SURF4: variants seen among roughly 807,000 people sequenced by gnomAD.
The protein encoded by SURF4 is surfeit 4.
A neutral mutation model predicts 30.0 loss-of-function variants in SURF4; 3 were observed. The ratio of observed to expected loss-of-function variants is 0.10; its 90% CI spans 0.05 to 0.26. The LOEUF (loss-of-function observed/expected upper bound fraction) is 0.26. Among genes scored for constraint, SURF4 ranks in the 10% least tolerant of loss-of-function variants. The pLI, the probability that SURF4 is intolerant of heterozygous loss-of-function variation, is 1.00. For synonymous variants in SURF4, 143 were observed against 139.9 expected, an observed-to-expected ratio of 1.02 and a Z score of -0.16; for missense variants, 217 against 350.8, an observed-to-expected ratio of 0.62 and a Z score of 3.05.
At position 133,367,231 on chromosome 9, in the gene SURF4, A is replaced by C. The variant is rs2130137470; in HGVS notation, c.235+28T>G. The C allele has an allele frequency of 1.3e-5, 21 of 1,609,190 alleles. No individual in the cohort carries two copies. The East Asian group carries it at 4.5e-4, about 34-fold the overall frequency. On this transcript the variant is annotated intron_variant, in intron 2 of 5. Transcript: ENST00000371989. ...CGATCATGGAACAAGACGCCCAGTG[A>C]ATCCTGACCACCCGCAGAGCCACTC...
At chr9:133,376,238 C>A, upstream of SURF4, 1 of 1,293,972 alleles carries the variant, frequency 7.7e-7, no homozygotes, top group Non-Finnish European at 9.7e-7. Context: ...CTCGACGCCA[C>A]GCCTCTCACG....
chr9:133,375,850 G>T (rs1837882939), intron 1 of SURF4, 72 bp downstream of exon 1: 1 of 1,205,940 alleles, frequency 8.3e-7, no homozygotes, highest in Non-Finnish European at 1.0e-6. Context: ...CCTGCGCTGG[G>T]AGGCCGACTC....
At chr9:133,376,106 T>G (rs1364938610), upstream of SURF4, 4 of 1,201,968 alleles carry the variant, frequency 3.3e-6, no homozygotes, top group African/African-American at 4.8e-5. Flanking sequence ...CTCCAGCGGC[T>G]GCCACGTAGG....
At chr9:133,367,677 C>T (rs2130148168) in intron 1 of SURF4, 10 of 1,224,580 alleles carry the variant, frequency 8.2e-6, no homozygotes, top group Non-Finnish European at 1.1e-5. Context: ...CCCGGAGATG[C>T]ATGACTTGAC....
chr9:133,367,603 C>T, intron 1 of SURF4, 158 bp from the exon 2 acceptor site: 1 of 1,505,588 alleles, frequency 6.6e-7, no homozygotes. Flanking sequence ...CTAGGGGGCT[C>T]TCAGTGCTTG....
chr9:133,366,742 ACTG>A (rs1837200032), intron 2 of SURF4, 67 bp from the exon 3 acceptor site: 1 of 1,455,606 alleles, frequency 6.9e-7, no homozygotes, highest in Admixed American at 1.8e-5. Flanking sequence ...GTCTTGATAC[ACTG>A]CTACCTCACC....
chr9:133,367,150 G>C (rs1417290376), intron 2 of SURF4, 109 bp downstream of exon 2: 3 of 1,366,924 alleles, frequency 2.2e-6, no homozygotes, highest in Non-Finnish European at 3.0e-6. Flanking sequence ...GGGGAATGGA[G>C]GGGGGACAGC....
chr9:133,375,715 G>A (rs2130239911), intron 1 of SURF4, among the ~76,000 whole-genome samples: 1 of 152,260 alleles, frequency 6.6e-6, no homozygotes, highest in Non-Finnish European at 1.5e-5. Flanking sequence ...TCCGGGAGCG[G>A]CCCAGCGGGC....
upstream of SURF4, chr9:133,376,402 C>T (rs1408763640): frequency 1.4e-6 from 2 of 1,459,778 alleles, no homozygotes; most frequent in Admixed American, 2.9e-5. Flanking sequence ...GGGGAGGATC[C>T]CGCGGGTCCC....
chr9:133,367,016 A>C (rs1037915286), intron 2 of SURF4, among the ~76,000 whole-genome samples: 2 of 152,184 alleles, frequency 1.3e-5, no homozygotes, highest in Non-Finnish European at 2.9e-5. Flanking sequence ...TGGGTCCCTG[A>C]CAGGGACCAT....
At chr9:133,365,050 G>A in intron 4 of SURF4, 24 bp from the exon 5 acceptor site, 1 of 1,505,410 alleles carries the variant, frequency 6.6e-7, no homozygotes, top group Middle Eastern at 1.8e-4. Flanking sequence ...ATGTGGGCTG[G>A]AAGCTAAGCC....
At chr9:133,367,958 G>A (rs2130152494) in intron 1 of SURF4, among the ~76,000 whole-genome samples, 2 of 152,246 alleles carry the variant, frequency 1.3e-5, no homozygotes, top group Admixed American at 6.5e-5. Flanking sequence ...CATCCTGGGT[G>A]CTGCAGGCTA....
At chr9:133,377,151 G>A (rs2130252860), upstream of SURF4, among the ~76,000 whole-genome samples, 12 of 152,154 alleles carry the variant, frequency 7.9e-5, no homozygotes, top group Non-Finnish European at 1.8e-4. Flanking sequence ...GGACTATAGG[G>A]CGTTGCCAGA....
Position 133,364,832 on chromosome 9 carries a change from A to G in SURF4, c.543+8T>C, listed in dbSNP as rs986352642. 1.2e-6 allele frequency: 2 copies of G among 1,613,798 alleles called. No homozygotes were observed. Among genetic ancestry groups the G allele is most frequent in the African/African-American group, 2.7e-5 (2 of 74,922 alleles). On this transcript the variant is annotated splice_region_variant and intron_variant, in intron 5 of 5. Coordinates refer to ENST00000371989, the MANE Select transcript of SURF4 (RefSeq NM_033161.4). ...ACCAGACCGGTTCAGGCAAGTAGGAATACTTACAGAAAAGAAGCTGGCGTC... is the reference window on the plus strand; with the variant it reads ...ACCAGACCGGTTCAGGCAAGTAGGAGTACTTACAGAAAAGAAGCTGGCGTC...
At chr9:133,370,128 T>TATAA (rs1482134687) in intron 1 of SURF4, among the ~76,000 whole-genome samples, 1 of 152,216 alleles carries the variant, frequency 6.6e-6, no homozygotes, top group African/African-American at 2.4e-5. Context: ...GACCTGCATT[T>TATAA]AACATGCTCA....
intron 2 of SURF4, among the ~76,000 whole-genome samples, 161 bp from the exon 3 acceptor site, chr9:133,366,836 C>T (rs2130133553): frequency 3.3e-5 from 5 of 152,140 alleles, no homozygotes; most frequent in African/African-American, 7.2e-5. Flanking sequence ...AGGCAAGGAC[C>T]ACACATGGTA....
upstream of SURF4, among the ~76,000 whole-genome samples, chr9:133,377,244 G>T (rs1017430324): frequency 1.3e-5 from 2 of 152,028 alleles, no homozygotes; most frequent in South Asian, 4.1e-4. Flanking sequence ...GACGTTTCAG[G>T]AATATACCTG....
At chr9:133,377,453 ATCGGGAGT>A (rs1032861813), upstream of SURF4, among the ~76,000 whole-genome samples, 5 of 152,238 alleles carry the variant, frequency 3.3e-5, no homozygotes, top group Admixed American at 3.3e-4. Context: ...ATCACCTGAG[ATCGGGAGT>A]TCAAGACCAG....
intron 1 of SURF4, chr9:133,370,983 T>C: frequency 1.6e-6 from 2 of 1,288,744 alleles, no homozygotes; most frequent in South Asian, 1.2e-5. Flanking sequence ...AAGACTGATA[T>C]TTCTCTCAAA....
Sources: allele counts gnomAD v4.1 joint callset (sites outside exome capture counted in the v4.1 genomes callset), GRCh38; gene constraint gnomAD v4.1.1; transcripts MANE v1.5; gene names NCBI Gene and HGNC (gene_info 2026-07-23, HGNC 2026-07-21).